The following EPHB1 variants were observed in gnomAD, a reference collection of about 807,000 sequenced individuals.
EPHB1 encodes EPH receptor B1.
Under a neutral mutation model 94.4 loss-of-function variants are expected in EPHB1, and 30 were observed. The observed-to-expected ratio is 0.32, with a 90% CI of 0.24 to 0.43. The LOEUF is 0.43. Among genes scored for constraint, EPHB1 ranks in the 20% least tolerant of loss-of-function variants. The probability of loss-of-function intolerance (pLI) is 1.00; values close to 1 mark genes in which losing one functional copy is unlikely to be tolerated. For missense variants in EPHB1, 1,055 were observed against 1,308.3 expected (o/e 0.81, Z 2.99); for synonymous variants, 522 against 489.1 (o/e 1.07, Z -0.89).
intron 3 of EPHB1, among the ~76,000 whole-genome samples, chr3:135,003,034 C>T (rs1030592157): frequency 8.5e-5 from 13 of 152,186 alleles, no homozygotes; most frequent in Non-Finnish European, 1.6e-4. Context: ...TTTTCTAGCT[C>T]TTTTAATTGT....
intron 3 of EPHB1, among the ~76,000 whole-genome samples, chr3:134,981,041 A>G (rs1934383334): frequency 6.6e-6 from 1 of 152,242 alleles, no homozygotes; most frequent in Non-Finnish European, 1.5e-5. Context: ...GCAGGGTATC[A>G]GACCTTACAG....
chr3:135,048,979 G>T (rs1937090357), intron 3 of EPHB1, among the ~76,000 whole-genome samples: 1 of 152,180 alleles, frequency 6.6e-6, no homozygotes, highest in Non-Finnish European at 1.5e-5. Context: ...CTTCCTTACA[G>T]CCTCAGAAGT....
intron 1 of EPHB1, among the ~76,000 whole-genome samples, chr3:134,919,780 G>T (rs529430174): frequency 1.5e-3 from 231 of 152,188 alleles, no homozygotes; most frequent in African/African-American, 5.3e-3. Flanking sequence ...TCTGGATTTG[G>T]GACTGGGGGG....
intron 3 of EPHB1, among the ~76,000 whole-genome samples, chr3:135,063,202 GT>G (rs1299152366): frequency 1.3e-5 from 2 of 152,050 alleles, no homozygotes; most frequent in East Asian, 3.9e-4. Flanking sequence ...TTTTAGAATT[GT>G]TTTTTCTAAT....
intron 3 of EPHB1, among the ~76,000 whole-genome samples, chr3:134,998,401 C>T (rs1270059344): frequency 1.3e-5 from 2 of 152,124 alleles, no homozygotes; most frequent in Admixed American, 1.3e-4. Context: ...TGGTAGTAGC[C>T]CTGGGTCTCT....
rs114433390 is a variant in EPHB1 at position 135,095,406 on chromosome 3, C to G, written c.806-11042C>G. The stretch of plus-strand genomic sequence containing the variant: ...TCTTCTAGATAGCTCTTGAATCTAT[C>G]TACTTCTCTCTGTTCCCACTACCCT... On this transcript the variant is annotated intron_variant, in intron 3 of 15. Transcript: ENST00000398015. Among the ~76,000 whole-genome samples, 973 of 152,280 alleles carry G rather than the reference C, an allele frequency of 6.4e-3. 4 individuals are homozygous for G. The highest frequency in any genetic ancestry group is 0.011 in the Non-Finnish European group (777 of 68,018).
chr3:135,082,900 A>G (rs962138455), intron 3 of EPHB1, among the ~76,000 whole-genome samples: 1 of 152,192 alleles, frequency 6.6e-6, no homozygotes, highest in Non-Finnish European at 1.5e-5. Flanking sequence ...GCAGGTGAGC[A>G]GACAGTCATA....
At chr3:134,803,131 A>G (rs991657945) in intron 1 of EPHB1, among the ~76,000 whole-genome samples, 9 of 152,200 alleles carry the variant, frequency 5.9e-5, no homozygotes, top group African/African-American at 2.2e-4. Flanking sequence ...AACTGGGCCA[A>G]TGTGGAAACA....
At chr3:134,843,622 T>C (rs2036815936) in intron 1 of EPHB1, among the ~76,000 whole-genome samples, 1 of 152,138 alleles carries the variant, frequency 6.6e-6, no homozygotes, top group African/African-American at 2.4e-5. Flanking sequence ...TGATCTATCT[T>C]CAAATTCATT....
chr3:135,046,691 G>A (rs62273113), intron 3 of EPHB1, among the ~76,000 whole-genome samples: 8,466 of 152,248 alleles, frequency 0.056, 318 homozygotes, highest in Non-Finnish European at 0.079. Context: ...GGGTGGGGCC[G>A]AGCAATCTGT....
chr3:135,022,352 T>C (rs1196077994), intron 3 of EPHB1, among the ~76,000 whole-genome samples: 1 of 152,218 alleles, frequency 6.6e-6, no homozygotes, highest in Admixed American at 6.5e-5. Flanking sequence ...TTTAGTTACA[T>C]TGCCACATTT....
chr3:135,018,922 A>G (rs1263669354), intron 3 of EPHB1, among the ~76,000 whole-genome samples: 1 of 152,130 alleles, frequency 6.6e-6, no homozygotes, highest in Non-Finnish European at 1.5e-5. Context: ...TCGCCAGCTG[A>G]TAGGGACTGA....
chr3:134,826,336 C>G (rs759107631), intron 1 of EPHB1, among the ~76,000 whole-genome samples: 1 of 151,292 alleles, frequency 6.6e-6, no homozygotes, highest in Non-Finnish European at 1.5e-5. Context: ...TTCTTGTTAT[C>G]TGCTTGATAT....
intron 3 of EPHB1, among the ~76,000 whole-genome samples, chr3:134,970,735 G>T (rs1343635285): frequency 6.6e-6 from 1 of 152,126 alleles, no homozygotes; most frequent in Non-Finnish European, 1.5e-5. Flanking sequence ...AGTTGCTGGG[G>T]CTCCAAGGCC....
chr3:135,215,009 A>T (rs747731635), intron 12 of EPHB1, among the ~76,000 whole-genome samples: 2 of 152,096 alleles, frequency 1.3e-5, no homozygotes, highest in Non-Finnish European at 2.9e-5. Context: ...GATTTGTAAA[A>T]ACCCATCTGA....
intron 1 of EPHB1, among the ~76,000 whole-genome samples, chr3:134,878,186 A>T (rs774533413): frequency 6.6e-6 from 1 of 152,196 alleles, no homozygotes; most frequent in Non-Finnish European, 1.5e-5. Context: ...CTTCTGAGGG[A>T]TATTTGTATG....
At chr3:135,136,494 T>C (rs971602433) in intron 5 of EPHB1, among the ~76,000 whole-genome samples, 1 of 152,212 alleles carries the variant, frequency 6.6e-6, no homozygotes, top group Non-Finnish European at 1.5e-5. Context: ...TGTTTTTGTT[T>C]CTGTTCTTTT....
chr3:134,980,648 G>T (rs2107733253), intron 3 of EPHB1, among the ~76,000 whole-genome samples: 1 of 152,272 alleles, frequency 6.6e-6, no homozygotes, highest in South Asian at 2.1e-4. Context: ...TGAGAAGAGA[G>T]GCCTGACAGA....
chr3:134,970,139 A>G (rs1455266203), intron 3 of EPHB1, among the ~76,000 whole-genome samples: 1 of 152,222 alleles, frequency 6.6e-6, no homozygotes, highest in Non-Finnish European at 1.5e-5. Context: ...CATATGTTCA[A>G]GTTTATCTAA....
Sources: gnomAD v4.1 joint callset for allele counts (sites outside exome capture counted in the v4.1 genomes callset) on GRCh38, gnomAD v4.1.1 for gene constraint, MANE v1.5 for transcripts, NCBI Gene and HGNC (gene_info 2026-07-23, HGNC 2026-07-21) for gene names.